The following SEC24B variants were observed in gnomAD, a reference collection of about 807,000 sequenced individuals.
SEC24B encodes protein transport protein Sec24B.
SEC24B carries 45 observed loss-of-function variants against 142.8 expected under a neutral mutation model. The observed-to-expected ratio is 0.32, with a 90% CI of 0.25 to 0.40. SEC24B has a LOEUF of 0.40. Among genes scored for constraint, SEC24B ranks in the 10% least tolerant of loss-of-function variants. The probability of loss-of-function intolerance (pLI) is 1.00; values close to 1 mark genes in which losing one functional copy is unlikely to be tolerated. For missense variants in SEC24B, 1,409 were observed against 1,526.8 expected, an observed-to-expected ratio of 0.92 and a Z score of 1.29; for synonymous variants, 574 against 568.2, an observed-to-expected ratio of 1.01 and a Z score of -0.15.
intron 21 of SEC24B, 79 bp from the exon 22 acceptor site, chr4:109,533,514 A>C (rs1725158776): frequency 1.2e-6 from 1 of 856,430 alleles, no homozygotes; most frequent in South Asian, 1.4e-5. Flanking sequence ...ACCTTATTTG[A>C]GGTGATAATT....
chr4:109,526,779 A>G (rs942569537), intron 17 of SEC24B, among the ~76,000 whole-genome samples: 5 of 152,216 alleles, frequency 3.3e-5, no homozygotes, highest in African/African-American at 9.6e-5. Flanking sequence ...ATAATTTAGA[A>G]TGAGTGATAT....
intron 6 of SEC24B, among the ~76,000 whole-genome samples, chr4:109,495,370 A>G (rs1054254053): frequency 1.3e-5 from 2 of 152,140 alleles, no homozygotes; most frequent in African/African-American, 2.4e-5. Context: ...AAGTGGCTAC[A>G]TTGTCTGGGG....
chr4:109,433,864 G>A lies in SEC24B; in HGVS notation c.-6G>A. ...AAGCGGAGCCGCCGTCGCCACCAGCGCCGTCATGTCGGCCCCCGCCGGGTC... is the reference window on the plus strand; with the variant it reads ...AAGCGGAGCCGCCGTCGCCACCAGCACCGTCATGTCGGCCCCCGCCGGGTC... On this transcript the variant is annotated 5_prime_UTR_variant, in exon 1 of 24. Coordinates refer to ENST00000265175, the MANE Select transcript of SEC24B (RefSeq NM_006323.5). 1.5e-6 allele frequency: 2 copies of A among 1,326,828 alleles called. No homozygotes were observed. The highest frequency in any genetic ancestry group is 1.9e-6 in the Non-Finnish European group (2 of 1,035,708). The allele number at this position is 1,326,828 out of a possible 1,614,324, so 82.2% of individuals were successfully genotyped here.
intron 4 of SEC24B, among the ~76,000 whole-genome samples, chr4:109,482,979 T>TACACACAC (rs1554001099): frequency 0.017 from 435 of 26,176 alleles, 25 homozygotes; most frequent in Middle Eastern, 0.038. Context: ...TATATATATA[T>TACACACAC]ACACACACAC....
At position 109,506,395 on chromosome 4, in the gene SEC24B, C is replaced by T. The variant is rs1276889506; in HGVS notation, c.1556C>T (p.Pro519Leu). 4 of 1,610,736 alleles carry T rather than the reference C, an allele frequency of 2.5e-6. No individual in the cohort carries two copies. The highest frequency in any genetic ancestry group is 1.1e-5 in the South Asian group (1 of 90,546). The change falls in exon 7 of 24, where the codon CCA becomes CTA. Residue 519 changes from proline (P) to leucine (L), a missense_variant. Coordinates refer to ENST00000265175, the MANE Select transcript of SEC24B (RefSeq NM_006323.5). ...TTGAGTCTTCAGAGTTCTCCACAAC[C>T]AGAAAGCCTGAGACCTGTAAACCTT... ...GGLSLQSSPQPESLRPVNLTQ... is the reference protein window; with the variant it reads ...GGLSLQSSPQLESLRPVNLTQ...
chr4:109,483,950 C>G (rs1734085084), intron 4 of SEC24B, among the ~76,000 whole-genome samples: 1 of 152,204 alleles, frequency 6.6e-6, no homozygotes, highest in African/African-American at 2.4e-5. Context: ...TTGGAGACAT[C>G]ATGAACTTTA....
chr4:109,477,401 C>A (rs529429257), intron 3 of SEC24B, among the ~76,000 whole-genome samples: 3 of 151,868 alleles, frequency 2.0e-5, no homozygotes, highest in Non-Finnish European at 2.9e-5. Flanking sequence ...CAGCCTCGAC[C>A]CTTGAGACCA....
chr4:109,521,298 A>T, intron 13 of SEC24B, 122 bp from the exon 14 acceptor site: 1 of 981,774 alleles, frequency 1.0e-6, no homozygotes, highest in Non-Finnish European at 1.5e-6. Flanking sequence ...TGGCATATCT[A>T]TTGACTCCTC....
intron 14 of SEC24B, 102 bp downstream of exon 14, chr4:109,521,728 G>A: frequency 1.0e-6 from 1 of 982,174 alleles, no homozygotes; most frequent in Non-Finnish European, 1.5e-6. Flanking sequence ...GGGTTTTTTT[G>A]TTTGTTTTTT....
intron 5 of SEC24B, among the ~76,000 whole-genome samples, chr4:109,493,019 G>A (rs779364625): frequency 3.2e-4 from 49 of 151,852 alleles, no homozygotes; most frequent in Non-Finnish European, 5.9e-4. Flanking sequence ...TGCACCCAGC[G>A]CCATTGTTTT....
At position 109,491,397 on chromosome 4, in the gene SEC24B, C is replaced by T. The variant is rs754840745; in HGVS notation, c.1236C>T (p.Gly412=). 4 of 1,611,876 alleles carry T rather than the reference C, an allele frequency of 2.5e-6. No individual in the cohort carries two copies. The highest frequency in any genetic ancestry group is 3.4e-6 in the Non-Finnish European group (4 of 1,178,110). Residue 412 remains glycine, a synonymous_variant, in exon 5 of 24, where the codon GGC becomes GGT. Coordinates refer to ENST00000265175, the MANE Select transcript of SEC24B (RefSeq NM_006323.5). ...MPNSYDALEG[G]SYPDMLSSSA... ...ACAGTTATGATGCCCTGGAAGGAGGCAGTTACCCAGGTAATTTGTTTTGTG... is the reference window on the plus strand; with the variant it reads ...ACAGTTATGATGCCCTGGAAGGAGGTAGTTACCCAGGTAATTTGTTTTGTG...
chr4:109,477,111 T>C (rs1733246103), intron 3 of SEC24B, among the ~76,000 whole-genome samples: 1 of 128,758 alleles, frequency 7.8e-6, no homozygotes, highest in African/African-American at 3.1e-5. Flanking sequence ...CACTCCAGCC[T>C]GGGCGACAGA....
chr4:109,498,557 G>C lies in SEC24B; in HGVS notation c.1488+3701G>C, dbSNP rs150683895. On this transcript the variant is annotated intron_variant, in intron 6 of 23. Coordinates refer to ENST00000265175, the MANE Select transcript of SEC24B (RefSeq NM_006323.5). ...TTTTTTGTATTTTTAGTAGAGACAG[G>C]GTTTCACTGTGTTAGCCAGGATGGT... is the stretch of plus-strand genomic sequence containing the variant. 5.3e-3 allele frequency among the ~76,000 whole-genome samples: 807 copies of C among 152,158 alleles called. 35 individuals carry two copies. In the South Asian group the frequency reaches 0.08, roughly 15 times the overall value.
intron 8 of SEC24B, 77 bp downstream of exon 8, chr4:109,510,188 T>G: frequency 1.5e-6 from 1 of 679,964 alleles, no homozygotes; most frequent in South Asian, 3.1e-5. Flanking sequence ...TTATATTTTC[T>G]TAGAATTTTC....
intron 1 of SEC24B, among the ~76,000 whole-genome samples, chr4:109,451,738 T>C (rs1730113174): frequency 6.6e-6 from 1 of 152,202 alleles, no homozygotes; most frequent in African/African-American, 2.4e-5. Flanking sequence ...GGTGTGTCAC[T>C]GCTTCAGGCT....
intron 3 of SEC24B, among the ~76,000 whole-genome samples, chr4:109,475,455 A>G (rs1733009881): frequency 6.6e-6 from 1 of 152,144 alleles, no homozygotes; most frequent in Non-Finnish European, 1.5e-5. Context: ...ATTCAAAGAC[A>G]CCGTTGCTTA....
chr4:109,438,703 C>T (rs1188130066), intron 1 of SEC24B, among the ~76,000 whole-genome samples: 1 of 152,210 alleles, frequency 6.6e-6, no homozygotes, highest in East Asian at 1.9e-4. Flanking sequence ...ATCACTTTTA[C>T]TTGTTTTCTA....
intron 9 of SEC24B, among the ~76,000 whole-genome samples, chr4:109,513,534 G>A (rs1286739563): frequency 5.3e-5 from 8 of 151,912 alleles, no homozygotes; most frequent in Non-Finnish European, 7.4e-5. Flanking sequence ...CGCCCGCCGC[G>A]GCCGCCCAAA....
chr4:109,523,168 T>G (rs1290829811), intron 14 of SEC24B, among the ~76,000 whole-genome samples: 5 of 151,976 alleles, frequency 3.3e-5, no homozygotes, highest in African/African-American at 1.2e-4. Context: ...CGAGACCCTA[T>G]CTTAAAAAAT....
Sources: allele counts gnomAD v4.1 joint callset (sites outside exome capture counted in the v4.1 genomes callset), GRCh38; gene constraint gnomAD v4.1.1; transcripts MANE v1.5; gene names NCBI Gene and HGNC (gene_info 2026-07-23, HGNC 2026-07-21).